The following MOB1B variants were observed in gnomAD, a reference collection of about 807,000 sequenced individuals.
The protein encoded by MOB1B is MOB kinase activator 1B, also known as MOB1 Mps One Binder homolog B.
Under a neutral mutation model 24.4 loss-of-function variants are expected in MOB1B, and 19 were observed. The ratio of observed to expected loss-of-function variants is 0.78; its 90% CI spans 0.54 to 1.14. The LOEUF (loss-of-function observed/expected upper bound fraction) is 1.14, where lower values mean the gene tolerates loss of function less well. Among genes scored for constraint, MOB1B ranks in the 50% most tolerant of loss-of-function variants. The probability of loss-of-function intolerance (pLI) is 0.00; values close to 1 mark genes in which losing one functional copy is unlikely to be tolerated. For missense variants in MOB1B, 243 were observed against 259.6 expected (o/e 0.94, Z 0.44); for synonymous variants, 76 against 82.1 (o/e 0.93, Z 0.40).
At chr4:70,942,890 A>C (rs1227370115) in intron 1 of MOB1B, 1 of 801,922 alleles carries the variant, frequency 1.2e-6, no homozygotes, top group Middle Eastern at 6.3e-4. Context: ...GAAGTAAGCA[A>C]AGAAAAAATT....
At chr4:70,921,283 C>T (rs950049981) in intron 1 of MOB1B, among the ~76,000 whole-genome samples, 5 of 152,102 alleles carry the variant, frequency 3.3e-5, no homozygotes, top group South Asian at 2.1e-4. Context: ...GTCAAGAAAT[C>T]CACTTTAGGC....
chr4:70,986,899 A>G lies in MOB1B; in HGVS notation c.*4842A>G, dbSNP rs1739398765. The stretch of plus-strand genomic sequence containing the variant: ...TTTTGAAGGTATAAAACTGCACTGT[A>G]TGTCTGTCACTTGTAGCTGAACTGA... On this transcript the variant is annotated 3_prime_UTR_variant, in exon 6 of 6. Transcript: ENST00000309395. 6.6e-6 allele frequency: 1 copy of G among 152,052 alleles called. No homozygotes were observed. The highest frequency in any genetic ancestry group is 1.5e-5 in the Non-Finnish European group (1 of 67,976). The allele number at this position is 152,052 out of a possible 1,614,324, so 9.4% of individuals were successfully genotyped here.
intron 1 of MOB1B, among the ~76,000 whole-genome samples, chr4:70,936,481 A>G (rs1737091466): frequency 6.6e-6 from 1 of 152,148 alleles, no homozygotes; most frequent in Non-Finnish European, 1.5e-5. Context: ...CACTGGCATC[A>G]CAGGCATGAG....
At chr4:70,910,118 G>T (rs909179952) in intron 1 of MOB1B, among the ~76,000 whole-genome samples, 9 of 151,694 alleles carry the variant, frequency 5.9e-5, no homozygotes, top group Admixed American at 5.9e-4. Flanking sequence ...TTGGCTCACT[G>T]CAAACTCTGC....
At chr4:70,969,803 G>A in intron 2 of MOB1B, 128 bp from the exon 3 acceptor site, 1 of 494,034 alleles carries the variant, frequency 2.0e-6, no homozygotes, top group South Asian at 3.9e-5. Context: ...TGATACTTCT[G>A]TGTATGGTTT....
chr4:70,978,339 C>T (rs1006486502), intron 4 of MOB1B, among the ~76,000 whole-genome samples: 1 of 152,154 alleles, frequency 6.6e-6, no homozygotes, highest in Admixed American at 6.5e-5. Flanking sequence ...TGATGGACAC[C>T]TGGGTTGTTT....
intron 1 of MOB1B, among the ~76,000 whole-genome samples, chr4:70,936,730 T>C (rs1410437234): frequency 6.6e-6 from 1 of 152,166 alleles, no homozygotes; most frequent in Non-Finnish European, 1.5e-5. Flanking sequence ...TCTAAAACTC[T>C]AGAAGCAGTA....
chr4:70,932,325 C>T (rs567464452), intron 1 of MOB1B, among the ~76,000 whole-genome samples: 28 of 152,236 alleles, frequency 1.8e-4, no homozygotes, highest in African/African-American at 5.8e-4. Flanking sequence ...CCTGGAATCA[C>T]GTAACTAGTA....
At chr4:70,935,226 T>C (rs1737034098) in intron 1 of MOB1B, among the ~76,000 whole-genome samples, 1 of 152,168 alleles carries the variant, frequency 6.6e-6, no homozygotes, top group Non-Finnish European at 1.5e-5. Context: ...CTATGTGGGC[T>C]ACAGCCTACA....
chr4:70,916,997 G>T (rs1353864641), intron 1 of MOB1B, among the ~76,000 whole-genome samples: 1 of 152,210 alleles, frequency 6.6e-6, no homozygotes, highest in East Asian at 1.9e-4. Flanking sequence ...AAAGTCTGTT[G>T]TGTAACAGTA....
At chr4:70,934,648 G>A (rs941477441) in intron 1 of MOB1B, among the ~76,000 whole-genome samples, 3 of 151,722 alleles carry the variant, frequency 2.0e-5, no homozygotes, top group Non-Finnish European at 4.4e-5. Context: ...TAGAGACAGG[G>A]TTTCACCATG....
At chr4:70,915,742 T>G (rs984773334) in intron 1 of MOB1B, among the ~76,000 whole-genome samples, 1 of 151,904 alleles carries the variant, frequency 6.6e-6, no homozygotes, top group Non-Finnish European at 1.5e-5. Flanking sequence ...GGTCTTTTTT[T>G]TTTTTCTGTA....
intron 1 of MOB1B, among the ~76,000 whole-genome samples, chr4:70,919,846 T>A (rs961434549): frequency 2.6e-5 from 4 of 152,194 alleles, no homozygotes; most frequent in Admixed American, 2.6e-4. Flanking sequence ...ATGGCAACTC[T>A]TAGAAATTTT....
At chr4:70,956,517 A>G (rs114707465) in intron 1 of MOB1B, among the ~76,000 whole-genome samples, 6,360 of 152,098 alleles carry the variant, frequency 0.042, 172 homozygotes, top group Non-Finnish European at 0.064. Context: ...TGTAGCCTTG[A>G]CTTCCTGGGC....
Position 70,902,466 on chromosome 4 carries a change from C to T in MOB1B, c.-71C>T. 4 of 1,524,234 alleles carry T rather than the reference C, an allele frequency of 2.6e-6. No homozygotes were observed. The South Asian group carries it at 3.6e-5, about 14-fold the overall frequency. 94.4% of individuals were successfully genotyped at this position (1,524,234 alleles called of 1,614,324 possible). A position where few individuals can be genotyped will look rare whatever the true frequency, so the allele number is the denominator to read the frequency against. ...CTGTCTCCTGTTCCATTCGCCTTTC[C>T]TCTTCTTTCCTGGCCCACGCCGCTC... is the stretch of plus-strand genomic sequence containing the variant. On this transcript the variant is annotated 5_prime_UTR_variant, in exon 1 of 6. Transcript: ENST00000309395.
intron 1 of MOB1B, among the ~76,000 whole-genome samples, chr4:70,924,295 AT>A (rs982274232): frequency 9.2e-5 from 14 of 152,096 alleles, no homozygotes; most frequent in African/African-American, 3.4e-4. Flanking sequence ...CAGCTGTCTT[AT>A]TTTCAACTCT....
intron 1 of MOB1B, among the ~76,000 whole-genome samples, chr4:70,955,198 G>A (rs1275696110): frequency 1.3e-5 from 2 of 152,140 alleles, no homozygotes; most frequent in Non-Finnish European, 2.9e-5. Context: ...ATGACTCTGG[G>A]GGAGGTGAGG....
At chr4:70,942,446 T>G (rs1297741276) in intron 1 of MOB1B, among the ~76,000 whole-genome samples, 1 of 152,122 alleles carries the variant, frequency 6.6e-6, no homozygotes, top group African/African-American at 2.4e-5. Context: ...CTTTATTTTT[T>G]TAAGAATGAA....
intron 1 of MOB1B, among the ~76,000 whole-genome samples, chr4:70,937,534 T>C (rs1371377842): frequency 6.6e-6 from 1 of 151,762 alleles, no homozygotes; most frequent in Non-Finnish European, 1.5e-5. Flanking sequence ...TTCTTTGAGA[T>C]GGAGTCTCAC....
Sources: gnomAD v4.1 joint callset for allele counts (sites outside exome capture counted in the v4.1 genomes callset) on GRCh38, gnomAD v4.1.1 for gene constraint, MANE v1.5 for transcripts, NCBI Gene and HGNC (gene_info 2026-07-23, HGNC 2026-07-21) for gene names.